The following SDK1 variants were observed in gnomAD, a reference collection of about 807,000 sequenced individuals.
SDK1 encodes sidekick cell adhesion molecule 1.
Under a neutral mutation model 245.5 loss-of-function variants are expected in SDK1, and 157 were observed. That is an observed-to-expected ratio of 0.64 (90% confidence interval 0.56 to 0.73). SDK1 has a LOEUF of 0.73. Ranked by LOEUF, SDK1 falls within the 30% of genes least tolerant of loss-of-function variation. The pLI, the probability that SDK1 is intolerant of heterozygous loss-of-function variation, is 0.00. For missense variants in SDK1, 3,583 were observed against 3,002.3 expected (o/e 1.19, Z -4.52); for synonymous variants, 1,647 against 1,278.5 (o/e 1.29, Z -6.15).
chr7:4,171,092 C>A (rs1279359936), intron 32 of SDK1, among the ~76,000 whole-genome samples: 2 of 152,152 alleles, frequency 1.3e-5, no homozygotes, highest in Non-Finnish European at 2.9e-5. Flanking sequence ...GTTTTCCTGG[C>A]AAGTTGAGTA....
At chr7:3,532,151 G>A (rs570811302) in intron 1 of SDK1, among the ~76,000 whole-genome samples, 2 of 152,220 alleles carry the variant, frequency 1.3e-5, no homozygotes, top group Admixed American at 6.5e-5. Context: ...AATTTGATCT[G>A]TTTTCTGGCT....
chr7:4,167,976 C>T (rs1177748481), intron 32 of SDK1, among the ~76,000 whole-genome samples: 2 of 152,228 alleles, frequency 1.3e-5, no homozygotes, highest in South Asian at 2.1e-4. Flanking sequence ...CTGATGCCTC[C>T]GAGCACCTCC....
At chr7:3,810,882 C>T (rs982104742) in intron 4 of SDK1, among the ~76,000 whole-genome samples, 1 of 152,172 alleles carries the variant, frequency 6.6e-6, no homozygotes, top group African/African-American at 2.4e-5. Flanking sequence ...TAAATTATTA[C>T]ATGTACGCTC....
intron 4 of SDK1, among the ~76,000 whole-genome samples, chr7:3,764,451 C>T (rs1050171180): frequency 3.3e-5 from 5 of 152,098 alleles, no homozygotes; most frequent in South Asian, 2.1e-4. Flanking sequence ...TTTGGGAGGC[C>T]GAGGCGGGTG....
At chr7:3,920,391 T>TGG (rs1333277368) in intron 5 of SDK1, among the ~76,000 whole-genome samples, 5 of 152,054 alleles carry the variant, frequency 3.3e-5, no homozygotes, top group African/African-American at 9.6e-5. Flanking sequence ...CTTGGGAGTC[T>TGG]GGGGGGAAGG....
intron 4 of SDK1, among the ~76,000 whole-genome samples, chr7:3,721,299 C>A (rs1345483608): frequency 2.6e-5 from 4 of 152,176 alleles, no homozygotes; most frequent in Non-Finnish European, 5.9e-5. Context: ...TCTATGAATT[C>A]TCCCAACATC....
chr7:3,499,379 C>A (rs951385052), intron 1 of SDK1, among the ~76,000 whole-genome samples: 1 of 151,978 alleles, frequency 6.6e-6, no homozygotes, highest in Non-Finnish European at 1.5e-5. Context: ...TTTTAATTGT[C>A]AGATGTATGC....
At chr7:3,961,089 G>A (rs918846433) in intron 8 of SDK1, among the ~76,000 whole-genome samples, 3 of 152,208 alleles carry the variant, frequency 2.0e-5, no homozygotes, top group African/African-American at 7.2e-5. Flanking sequence ...TAAACTGCTT[G>A]TTAAGTGTAG....
At chr7:4,030,552 G>A (rs937140761) in intron 17 of SDK1, among the ~76,000 whole-genome samples, 1 of 152,174 alleles carries the variant, frequency 6.6e-6, no homozygotes, top group Non-Finnish European at 1.5e-5. Context: ...GGCCCCTGGG[G>A]CACCTTCTCC....
chr7:3,970,171 G>C (rs1372575990), intron 11 of SDK1, among the ~76,000 whole-genome samples: 1 of 152,208 alleles, frequency 6.6e-6, no homozygotes, highest in Non-Finnish European at 1.5e-5. Flanking sequence ...TGCTCACTCA[G>C]ATTTTTACAA....
intron 1 of SDK1, among the ~76,000 whole-genome samples, chr7:3,581,741 C>T (rs1562579090): frequency 6.6e-6 from 1 of 152,160 alleles, no homozygotes; most frequent in African/African-American, 2.4e-5. Context: ...GACATGGAGT[C>T]AACCTAAATG....
At chr7:4,111,232 A>T (rs1013177960) in intron 23 of SDK1, among the ~76,000 whole-genome samples, 1 of 152,168 alleles carries the variant, frequency 6.6e-6, no homozygotes. Context: ...ATGCCATTTA[A>T]CCTTTAGCTT....
chr7:4,059,391 A>C (rs1230846639), intron 19 of SDK1, among the ~76,000 whole-genome samples: 1 of 152,248 alleles, frequency 6.6e-6, no homozygotes, highest in African/African-American at 2.4e-5. Flanking sequence ...CAACAAGAGG[A>C]TATAACAATT....
intron 18 of SDK1, among the ~76,000 whole-genome samples, chr7:4,051,414 A>G (rs1288958477): frequency 6.6e-6 from 1 of 151,466 alleles, no homozygotes; most frequent in African/African-American, 2.4e-5. Context: ...TTATTTACAT[A>G]TACAAGTATA....
intron 26 of SDK1, 96 bp downstream of exon 26, chr7:4,127,592 C>T (rs1784475186): frequency 3.5e-6 from 3 of 857,854 alleles, no homozygotes; most frequent in Non-Finnish European, 5.9e-6. Flanking sequence ...TTCCTCTTCT[C>T]CTACAGATCT....
intron 1 of SDK1, among the ~76,000 whole-genome samples, chr7:3,335,262 A>C (rs931617789): frequency 6.6e-6 from 1 of 152,182 alleles, no homozygotes; most frequent in African/African-American, 2.4e-5. Flanking sequence ...GTGGCCTACA[A>C]GGTTCTGTGT....
At chr7:4,249,860 C>T (rs761505502) in intron 44 of SDK1, among the ~76,000 whole-genome samples, 1 of 152,186 alleles carries the variant, frequency 6.6e-6, no homozygotes, top group Non-Finnish European at 1.5e-5. Flanking sequence ...CTGTTTGAAA[C>T]AGCTGGATTA....
At chr7:3,735,653 C>G (rs773827077) in intron 4 of SDK1, among the ~76,000 whole-genome samples, 3 of 152,100 alleles carry the variant, frequency 2.0e-5, no homozygotes, top group Non-Finnish European at 4.4e-5. Flanking sequence ...CTTCAAGACC[C>G]TGTCTTCAAT....
chr7:3,592,869 G>A (rs975822963), intron 1 of SDK1, among the ~76,000 whole-genome samples: 2 of 152,188 alleles, frequency 1.3e-5, no homozygotes, highest in East Asian at 3.9e-4. Context: ...TTAATGCACT[G>A]CTGATTAATA....
Sources: gnomAD v4.1 joint callset for allele counts (sites outside exome capture counted in the v4.1 genomes callset) on GRCh38, gnomAD v4.1.1 for gene constraint, MANE v1.5 for transcripts, NCBI Gene and HGNC (gene_info 2026-07-23, HGNC 2026-07-21) for gene names.